STPG2: variants seen among roughly 807,000 people sequenced by gnomAD.
The protein encoded by STPG2 is sperm tail PG-rich repeat containing 2.
A neutral mutation model predicts 54.2 loss-of-function variants in STPG2; 56 were observed. The ratio of observed to expected loss-of-function variants is 1.03; its 90% CI spans 0.83 to 1.29. The LOEUF (loss-of-function observed/expected upper bound fraction) is 1.29. STPG2 is among the 50% of genes most tolerant of loss of function. STPG2 has a pLI of 0.00. For synonymous variants in STPG2, 200 were observed against 181.8 expected (o/e 1.10, Z -0.81); for missense variants, 596 against 544.9 (o/e 1.09, Z -0.93).
intron 10 of STPG2, among the ~76,000 whole-genome samples, chr4:97,693,654 C>T (rs771795927): frequency 6.6e-6 from 1 of 152,024 alleles, no homozygotes; most frequent in Non-Finnish European, 1.5e-5. Context: ...CTGTACCATA[C>T]ATCAAATGAA....
At chr4:97,854,259 T>C (rs1729258218) in intron 8 of STPG2, among the ~76,000 whole-genome samples, 2 of 152,218 alleles carry the variant, frequency 1.3e-5, no homozygotes, top group South Asian at 4.1e-4. Flanking sequence ...AAGCCCCAAG[T>C]CAGCTTTTTT....
intron 10 of STPG2, among the ~76,000 whole-genome samples, chr4:97,703,468 ATAG>A (rs1361714221): frequency 7.0e-6 from 1 of 142,392 alleles, no homozygotes; most frequent in Non-Finnish European, 1.5e-5. Flanking sequence ...CACTATATAT[ATAG>A]TAGTATATAG....
chr4:97,578,456 G>A (rs1036953270), intron 10 of STPG2, among the ~76,000 whole-genome samples: 3 of 152,116 alleles, frequency 2.0e-5, no homozygotes, highest in African/African-American at 4.8e-5. Context: ...GAAGGGAGCA[G>A]TGTTATGGAA....
intron 8 of STPG2, among the ~76,000 whole-genome samples, chr4:97,911,647 CA>C (rs1299094511): frequency 2.6e-5 from 4 of 152,182 alleles, no homozygotes; most frequent in African/African-American, 4.8e-5. Context: ...GGAGGAATTT[CA>C]GCAACTCTAG....
intron 4 of STPG2, among the ~76,000 whole-genome samples, chr4:97,535,506 G>T (rs1033722541): frequency 5.9e-5 from 9 of 152,164 alleles, no homozygotes; most frequent in East Asian, 3.9e-4. Context: ...TTTTTGAAGG[G>T]TATTATCCCC....
chr4:97,569,671 A>G (rs1241522432), intron 10 of STPG2, among the ~76,000 whole-genome samples: 1 of 152,164 alleles, frequency 6.6e-6, no homozygotes, highest in Non-Finnish European at 1.5e-5. Context: ...TAATAATATA[A>G]TTGAAATTAG....
intron 4 of STPG2, among the ~76,000 whole-genome samples, chr4:98,107,272 TTC>T (rs1157633146): frequency 6.6e-6 from 1 of 152,008 alleles, no homozygotes; most frequent in African/African-American, 2.4e-5. Context: ...CCAAGAATAA[TTC>T]TGACTCACTA....
chr4:97,810,412 C>T (rs1001729801), intron 9 of STPG2, among the ~76,000 whole-genome samples: 11 of 148,084 alleles, frequency 7.4e-5, no homozygotes, highest in Admixed American at 2.0e-4. Flanking sequence ...TGCAGTGAGC[C>T]GAGATTGCAC....
At chr4:97,947,613 T>C (rs1733283862) in intron 7 of STPG2, among the ~76,000 whole-genome samples, 1 of 152,122 alleles carries the variant, frequency 6.6e-6, no homozygotes, top group Non-Finnish European at 1.5e-5. Context: ...TTTTTAATCA[T>C]AAAAAGATGC....
intron 6 of STPG2, among the ~76,000 whole-genome samples, chr4:97,973,560 G>T (rs1287289926): frequency 6.6e-6 from 1 of 152,190 alleles, no homozygotes; most frequent in Admixed American, 6.5e-5. Context: ...CAAGACAATG[G>T]GAAAAATGTC....
intron 5 of STPG2, among the ~76,000 whole-genome samples, chr4:98,084,100 C>T (rs1305768129): frequency 6.6e-6 from 1 of 152,186 alleles, no homozygotes; most frequent in African/African-American, 2.4e-5. Flanking sequence ...CTGCCTCAGC[C>T]TCCCAAAGTG....
rs553142089 is a variant in STPG2, at chr4:97,704,738, A to G, written c.1320+7961T>C. Among the ~76,000 whole-genome samples the G allele has an allele frequency of 4.6e-5, 7 of 152,344 alleles. No individual in the cohort carries two copies. The South Asian group carries it at 8.3e-4, about 18-fold the overall frequency. ...TAACATAAAATACTGTCCCACAAAT[A>G]TTAAAACTACAGTATAAAAGTGAGT... On this transcript the variant is annotated intron_variant, in intron 10 of 10. Coordinates refer to ENST00000295268, the MANE Select transcript of STPG2 (RefSeq NM_174952.3).
intron 9 of STPG2, among the ~76,000 whole-genome samples, chr4:97,724,838 C>T (rs1178481030): frequency 6.6e-6 from 1 of 152,048 alleles, no homozygotes; most frequent in Non-Finnish European, 1.5e-5. Flanking sequence ...AAGAAAGTTA[C>T]TTGTATTCAT....
intron 8 of STPG2, among the ~76,000 whole-genome samples, chr4:97,901,929 T>C: frequency 6.6e-6 from 1 of 152,056 alleles, no homozygotes; most frequent in East Asian, 1.9e-4. Context: ...GCTATAATAA[T>C]CAAACAGTAT....
chr4:97,839,734 T>C (rs1406516649), intron 9 of STPG2, among the ~76,000 whole-genome samples: 1 of 151,690 alleles, frequency 6.6e-6, no homozygotes, highest in Non-Finnish European at 1.5e-5. Context: ...GCTGGCAATA[T>C]GCCTGATTCT....
intron 10 of STPG2, among the ~76,000 whole-genome samples, chr4:97,650,631 T>C (rs1481287271): frequency 6.6e-6 from 1 of 152,010 alleles, no homozygotes; most frequent in Non-Finnish European, 1.5e-5. Flanking sequence ...TTTTTTGAAG[T>C]CTCAAAGTGG....
intron 7 of STPG2, among the ~76,000 whole-genome samples, chr4:97,958,890 G>A (rs747596344): frequency 1.2e-4 from 18 of 152,122 alleles, no homozygotes; most frequent in Admixed American, 2.6e-4. Context: ...GATCTTTACA[G>A]AACATTTTAC....
intron 9 of STPG2, among the ~76,000 whole-genome samples, chr4:97,771,025 G>A (rs1726200253): frequency 6.6e-6 from 1 of 152,180 alleles, no homozygotes; most frequent in South Asian, 2.1e-4. Flanking sequence ...ATTTGGAATG[G>A]AAAGCTAATA....
intron 7 of STPG2, among the ~76,000 whole-genome samples, chr4:97,955,376 G>A (rs1412009540): frequency 6.6e-6 from 1 of 151,894 alleles, no homozygotes; most frequent in Non-Finnish European, 1.5e-5. Flanking sequence ...CACCATGCCT[G>A]GCTAATTTTT....
Sources: gnomAD v4.1 joint callset for allele counts (sites outside exome capture counted in the v4.1 genomes callset) on GRCh38, gnomAD v4.1.1 for gene constraint, MANE v1.5 for transcripts, NCBI Gene and HGNC (gene_info 2026-07-23, HGNC 2026-07-21) for gene names.